Variants in TXNRD3 observed in about 807,000 individuals in gnomAD.
TXNRD3 encodes thioredoxin reductase 3.
In TXNRD3, 68 loss-of-function variants were observed where a neutral mutation model predicts 78.2. The ratio of observed to expected loss-of-function variants is 0.87; its 90% CI spans 0.72 to 1.06. The LOEUF (loss-of-function observed/expected upper bound fraction) is 1.06. Ranked by LOEUF, TXNRD3 falls within the 50% of genes least tolerant of loss-of-function variation. TXNRD3 has a pLI of 0.00. For synonymous variants in TXNRD3, 296 were observed against 300.1 expected (o/e 0.99, Z 0.14); for missense variants, 751 against 809.5 (o/e 0.93, Z 0.88).
intron 6 of TXNRD3, among the ~76,000 whole-genome samples, chr3:126,640,453 C>CA (rs1177849921): frequency 6.6e-6 from 1 of 152,052 alleles, no homozygotes; most frequent in Non-Finnish European, 1.5e-5. Flanking sequence ...ATTTCCCCCC[C>CA]AGTCTCTCTT....
chr3:126,629,777 A>ATGG (rs1171077687), intron 9 of TXNRD3, among the ~76,000 whole-genome samples: 4 of 152,234 alleles, frequency 2.6e-5, no homozygotes, highest in Admixed American at 6.5e-5. Flanking sequence ...GAGTACTGAG[A>ATGG]TGGGCCAGAA....
At chr3:126,638,737 C>CA (rs1201080089) in intron 6 of TXNRD3, among the ~76,000 whole-genome samples, 2 of 150,612 alleles carry the variant, frequency 1.3e-5, no homozygotes, top group African/African-American at 2.4e-5. Flanking sequence ...TCCTCTGTCT[C>CA]AAAAAAAAGA....
chr3:126,616,004 G>A (rs1260039732), intron 12 of TXNRD3, among the ~76,000 whole-genome samples: 1 of 152,106 alleles, frequency 6.6e-6, no homozygotes, highest in Non-Finnish European at 1.5e-5. Context: ...CTGGAGGGGG[G>A]TGCTAATACA....
intron 10 of TXNRD3, 24 bp from the exon 11 acceptor site, chr3:126,622,564 AC>A (rs1456558167): frequency 9.3e-6 from 14 of 1,512,584 alleles, no homozygotes; most frequent in Non-Finnish European, 1.2e-5. Context: ...GAAATCAAAA[AC>A]ACAAATTATC....
chr3:126,645,306 C>T (rs1469904232), intron 3 of TXNRD3, among the ~76,000 whole-genome samples: 3 of 152,234 alleles, frequency 2.0e-5, no homozygotes, highest in African/African-American at 7.2e-5. Flanking sequence ...ATTGCTCTCT[C>T]TGCATCTACA....
intron 1 of TXNRD3, 92 bp from the exon 2 acceptor site, chr3:126,647,388 G>C (rs1933265861): frequency 1.1e-6 from 1 of 948,582 alleles, no homozygotes; most frequent in Non-Finnish European, 1.6e-6. Flanking sequence ...AACAATAAAT[G>C]TTCTGGAGGA....
Position 126,611,080 on chromosome 3 carries a change from T to C in TXNRD3, c.1685A>G (p.Asn562Ser), listed in dbSNP as rs1044841923. 6.5e-7 allele frequency: 1 copy of C among 1,528,554 alleles called. No homozygotes were observed. The highest frequency in any genetic ancestry group is 8.8e-7 in the Non-Finnish European group (1 of 1,142,700). The allele number at this position is 1,528,554 out of a possible 1,614,324, so 94.7% of individuals were successfully genotyped here. The change falls in exon 14 of 16, where the codon AAC becomes AGC. Residue 562 changes from asparagine to serine, a missense_variant. Asn to Ser is a conservative substitution (Grantham distance 46). Transcript: ENST00000524230. ...GATTATCTTTGCATAACAAGTGTTG[T>C]TCTCTCTGCCAGCTACTGTCCATTC...
At chr3:126,632,997 C>T (rs1421297939) in intron 7 of TXNRD3, among the ~76,000 whole-genome samples, 5 of 152,180 alleles carry the variant, frequency 3.3e-5, no homozygotes, top group Non-Finnish European at 7.3e-5. Flanking sequence ...ACATGTATTT[C>T]TGCTGTGTTT....
intron 1 of TXNRD3, among the ~76,000 whole-genome samples, chr3:126,653,246 T>A (rs926882385): frequency 1.3e-5 from 2 of 152,246 alleles, no homozygotes; most frequent in African/African-American, 4.8e-5. Context: ...TTTTGTTACA[T>A]GCCATTTGGC....
rs1224974751 is a variant in TXNRD3 at position 126,633,904 on chromosome 3, A to T, written c.855+5T>A. The stretch of plus-strand genomic sequence containing the variant: ...GATGAACAAGACAAGAAACTCAAGC[A>T]CTACCTTTATTTTATGATGTTCAAC... On this transcript the variant is annotated splice_donor_5th_base_variant and intron_variant, in intron 7 of 15. Coordinates refer to ENST00000524230, the MANE Select transcript of TXNRD3 (RefSeq NM_052883.3). 1 of 1,480,380 alleles carries T rather than the reference A, an allele frequency of 6.8e-7. No homozygotes were observed. The highest frequency in any genetic ancestry group is 2.5e-5 in the Admixed American group (1 of 40,716). 91.7% of individuals were successfully genotyped at this position (1,480,380 alleles called of 1,614,324 possible).
chr3:126,616,738 G>A (rs1938328644), intron 12 of TXNRD3, among the ~76,000 whole-genome samples: 3 of 152,102 alleles, frequency 2.0e-5, no homozygotes, highest in Admixed American at 2.0e-4. Context: ...CCTAGTTTGA[G>A]TGAGCTTCTA....
At position 126,641,950 on chromosome 3, in the gene TXNRD3, T is replaced by C. The variant is rs972266154; in HGVS notation, c.712+82A>G. 12 of 1,402,526 alleles carry C rather than the reference T, an allele frequency of 8.6e-6. No individual in the cohort carries two copies. The African/African-American group carries it at 1.6e-4, about 19-fold the overall frequency. 86.9% of individuals were successfully genotyped at this position (1,402,526 alleles called of 1,614,324 possible). ...ATTAAATGAATTACGAACTCAACTA[T>C]AAAAATATGAATACCAAGTCTTTAT... On this transcript the variant is annotated intron_variant, in intron 6 of 15. Transcript: ENST00000524230.
intron 3 of TXNRD3, among the ~76,000 whole-genome samples, chr3:126,645,014 AAC>A (rs1261361940): frequency 6.6e-6 from 1 of 152,226 alleles, no homozygotes; most frequent in Non-Finnish European, 1.5e-5. Flanking sequence ...GTGATTTAGT[AAC>A]AGTTTTCTTT....
chr3:126,618,871 A>C (rs1331268690), intron 12 of TXNRD3, among the ~76,000 whole-genome samples: 2 of 150,948 alleles, frequency 1.3e-5, no homozygotes, highest in East Asian at 3.9e-4. Context: ...GCCAAAAAAA[A>C]AAAAAAAAAA....
intron 10 of TXNRD3, among the ~76,000 whole-genome samples, chr3:126,624,035 G>C (rs899968698): frequency 6.6e-6 from 1 of 152,022 alleles, no homozygotes; most frequent in Non-Finnish European, 1.5e-5. Flanking sequence ...CATGAAGTAT[G>C]TTTAGCAAAA....
At chr3:126,652,346 T>C (rs946971664) in intron 1 of TXNRD3, among the ~76,000 whole-genome samples, 11 of 152,158 alleles carry the variant, frequency 7.2e-5, no homozygotes, top group African/African-American at 2.7e-4. Context: ...TCCACCCCCA[T>C]GATCCATTCA....
At position 126,643,980 on chromosome 3, in the gene TXNRD3, C is replaced by T. The variant is rs527554174; in HGVS notation, c.592+1G>A. 2.0e-6 allele frequency: 3 copies of T among 1,535,302 alleles called. No individual in the cohort carries two copies. In the South Asian group the frequency reaches 3.6e-5, roughly 18 times the overall value. ...AGGAACAACAGAGAAAAACAACTTACCCCAGGATGTGCCCTGAGGTGACGG... is the reference window on the plus strand; with the variant it reads ...AGGAACAACAGAGAAAAACAACTTATCCCAGGATGTGCCCTGAGGTGACGG... On this transcript the variant is annotated splice_donor_variant, in intron 5 of 15. Transcript: ENST00000524230. LOFTEE classifies it high-confidence loss of function.
chr3:126,625,459 T>A (rs1938558053), intron 10 of TXNRD3, among the ~76,000 whole-genome samples: 1 of 151,874 alleles, frequency 6.6e-6, no homozygotes, highest in Admixed American at 6.6e-5. Context: ...TCCAGCTTCA[T>A]CCATGTCCCT....
chr3:126,653,880 C>T (rs888217235), intron 1 of TXNRD3, among the ~76,000 whole-genome samples: 2 of 152,166 alleles, frequency 1.3e-5, no homozygotes, highest in Admixed American at 6.5e-5. Flanking sequence ...CAGATACTAA[C>T]ATGCATGAAT....
Sources: gnomAD v4.1 joint callset for allele counts (sites outside exome capture counted in the v4.1 genomes callset) on GRCh38, gnomAD v4.1.1 for gene constraint, MANE v1.5 for transcripts, NCBI Gene and HGNC (gene_info 2026-07-23, HGNC 2026-07-21) for gene names.